The following BIRC6 variants were observed in gnomAD, a reference collection of about 807,000 sequenced individuals.
BIRC6 encodes baculoviral IAP repeat containing 6.
Under a neutral mutation model 503.3 loss-of-function variants are expected in BIRC6, and 98 were observed. That is an observed-to-expected ratio of 0.19 (90% CI 0.17 to 0.23). BIRC6 has a LOEUF of 0.23. Among genes scored for constraint, BIRC6 ranks in the 10% least tolerant of loss-of-function variants. The pLI is 1.00. For missense variants in BIRC6, 5,360 were observed against 5,806.0 expected (o/e 0.92, Z 2.50); for synonymous variants, 2,240 against 2,078.7 (o/e 1.08, Z -2.11).
chr2:32,467,962 T>C lies in BIRC6; in HGVS notation c.5631T>C (p.Phe1877=). The change falls in exon 28 of 74, where the codon TTT becomes TTC. Residue 1877 remains phenylalanine (F), a synonymous_variant. Transcript: ENST00000421745. The stretch of plus-strand genomic sequence containing the variant: ...CCAGAGCCAAAATCCCATTAGGATT[T>C]TACTATGGTCATACCTACATCTTGC... ...TNARAKIPLG[F]YYGHTYILPW... 6.2e-7 allele frequency: 1 copy of C among 1,613,824 alleles called. No homozygotes were observed. Among genetic ancestry groups the C allele is most frequent in the Non-Finnish European group, 8.5e-7 (1 of 1,179,822 alleles).
At chr2:32,385,882 T>TA (rs34028039) in intron 3 of BIRC6, among the ~76,000 whole-genome samples, 56,500 of 152,060 alleles carry the variant, frequency 0.37, 10,992 homozygotes, top group East Asian at 0.69. Flanking sequence ...TGGTTGGTGT[T>TA]ACAAGTTGGA....
Position 32,500,057 on chromosome 2 carries a change from G to C in BIRC6, c.8979G>C (p.Gln2993His). ...LVLANQQIMS[Q>H]ILSALGLCNS... ...TAGCCAACCAACAAATTATGAGCCA[G>C]ATTTTGTCTGCTCTGGGCCTGTGTA... Residue 2993 changes from glutamine (Q) to histidine (H), a missense_variant, in exon 46 of 74, where the codon CAG becomes CAC. Around this residue, in one of 16 missense-constraint regions of BIRC6, gnomAD observed 2,299 missense variants for 2,267.2 expected, o/e 1.01. Coordinates refer to ENST00000421745, the MANE Select transcript of BIRC6 (RefSeq NM_016252.4). 1.9e-6 allele frequency: 3 copies of C among 1,613,908 alleles called. No individual in the cohort carries two copies. Among genetic ancestry groups the C allele is most frequent in the South Asian group, 1.1e-5 (1 of 91,076 alleles).
chr2:32,520,721 G>T (rs1300893316), intron 57 of BIRC6, among the ~76,000 whole-genome samples: 1 of 152,176 alleles, frequency 6.6e-6, no homozygotes, highest in Non-Finnish European at 1.5e-5. Context: ...GGGGACTGAG[G>T]TAGGAAAATC....
chr2:32,513,035 G>C lies in BIRC6; in HGVS notation c.10449G>C (p.Glu3483Asp), dbSNP rs776847204. Residue 3483 changes from glutamate (E) to aspartate (D), a missense_variant, in exon 54 of 74, where the codon GAG becomes GAC. Physicochemically the swap from Glu to Asp is conservative, Grantham distance 45. Transcript: ENST00000421745. ...NYMCPNSSTV[E>D]YGLLMPSPSH... ...TGTGTCCTAACTCCTCAACAGTAGA[G>C]TATGGTCTTCTGATGCCATCTCCTT... 6.2e-7 allele frequency: 1 copy of C among 1,613,908 alleles called. No homozygotes were observed. The highest frequency in any genetic ancestry group is 1.7e-5 in the Admixed American group (1 of 60,022).
At position 32,491,529 on chromosome 2, in the gene BIRC6, C is replaced by T. The variant is rs761264901; in HGVS notation, c.8311C>T (p.Pro2771Ser). The change falls in exon 44 of 74, where the codon CCA becomes TCA. Residue 2771 changes from proline to serine, a missense_variant. By Grantham distance (74) the Pro-to-Ser change is moderately conservative (BLOSUM62 -1). Around this residue, in one of 16 missense-constraint regions of BIRC6, gnomAD observed 2,299 missense variants for 2,267.2 expected, o/e 1.01. Transcript: ENST00000421745. The stretch of plus-strand genomic sequence containing the variant: ...AGTGAAATTTCTTTCTGGCACCAGT[C>T]CACATGGAACAAATCAACACAGTCC... ...VLVKFLSGTS[P>S]HGTNQHSPQV... 3.7e-6 allele frequency: 6 copies of T among 1,613,524 alleles called. No homozygotes were observed. The highest frequency in any genetic ancestry group is 1.7e-5 in the Admixed American group (1 of 60,010).
chr2:32,554,549 T>C (rs776681800), intron 65 of BIRC6, among the ~76,000 whole-genome samples: 5 of 152,130 alleles, frequency 3.3e-5, no homozygotes, highest in Non-Finnish European at 5.9e-5. Context: ...CAGGACTTCA[T>C]TGGGAAAATT....
At chr2:32,573,068 C>T (rs957877554) in intron 65 of BIRC6, among the ~76,000 whole-genome samples, 2 of 152,214 alleles carry the variant, frequency 1.3e-5, no homozygotes, top group Non-Finnish European at 2.9e-5. Flanking sequence ...ATTCAGAATA[C>T]TTACTAGCTT....
intron 44 of BIRC6, among the ~76,000 whole-genome samples, chr2:32,492,351 C>CT (rs2051843327): frequency 1.3e-5 from 2 of 151,892 alleles, no homozygotes; most frequent in African/African-American, 4.8e-5. Context: ...AGTTAATACT[C>CT]TAATACTTAA....
chr2:32,484,227 A>G (rs1009707024), intron 39 of BIRC6, among the ~76,000 whole-genome samples: 6 of 151,968 alleles, frequency 3.9e-5, no homozygotes, highest in East Asian at 1.9e-4. Flanking sequence ...CTCGGAAACT[A>G]TAACTATCCT....
intron 8 of BIRC6, among the ~76,000 whole-genome samples, chr2:32,406,178 G>T (rs904084889): frequency 3.9e-5 from 6 of 152,120 alleles, no homozygotes; most frequent in Admixed American, 1.3e-4. Flanking sequence ...GATTGCTTAA[G>T]CCCAAGGGTT....
chr2:32,451,393 A>G lies in BIRC6; in HGVS notation c.4619-2415A>G, dbSNP rs72867266. ...TAAGGGGATCTATATGGTCATAACT[A>G]TTTTGATGATAGTAGAATGATGTTA... On this transcript the variant is annotated intron_variant, in intron 22 of 73. Coordinates refer to ENST00000421745, the MANE Select transcript of BIRC6 (RefSeq NM_016252.4). 5.1e-3 allele frequency among the ~76,000 whole-genome samples: 781 copies of G among 152,300 alleles called. 5 individuals are homozygous for G. The highest frequency in any genetic ancestry group is 0.018 in the African/African-American group (736 of 41,566).
chr2:32,364,630 A>G (rs2034615514), intron 1 of BIRC6, among the ~76,000 whole-genome samples: 1 of 150,416 alleles, frequency 6.6e-6, no homozygotes. Context: ...TTTTTTTTCC[A>G]CTGGGTTTTT....
intron 54 of BIRC6, among the ~76,000 whole-genome samples, chr2:32,513,733 A>G (rs1359627810): frequency 2.0e-5 from 3 of 152,172 alleles, no homozygotes; most frequent in African/African-American, 7.2e-5. Flanking sequence ...ACATGGTGAA[A>G]CCCCGTCTCT....
rs143009681 is a variant in BIRC6 at position 32,382,627 on chromosome 2, A to G, written c.645+2337A>G. On this transcript the variant is annotated intron_variant, in intron 3 of 73. Coordinates refer to ENST00000421745, the MANE Select transcript of BIRC6 (RefSeq NM_016252.4). ...TTTGGAGCTCAGAGACAACAGTTTA[A>G]TTAACTGCACAGTCTACCCCTTTGG... Among the ~76,000 whole-genome samples, 335 of 152,364 alleles carry G rather than the reference A, an allele frequency of 2.2e-3. 1 individual carries two copies. The highest frequency in any genetic ancestry group is 3.7e-3 in the Non-Finnish European group (252 of 68,030).
At position 32,473,150 on chromosome 2, in the gene BIRC6, C is replaced by G. The variant is rs2049295451; in HGVS notation, c.6631C>G (p.Gln2211Glu). 2.5e-6 allele frequency: 4 copies of G among 1,580,632 alleles called. No homozygotes were observed. Among genetic ancestry groups the G allele is most frequent in the Non-Finnish European group, 2.6e-6 (3 of 1,160,780 alleles). ...TTTTATTAACAATAATCTACACACTCAGAGCTTAAATAGATCTTCTAAAGG... is the reference window on the plus strand; with the variant it reads ...TTTTATTAACAATAATCTACACACTGAGAGCTTAAATAGATCTTCTAAAGG... ...WSFINNNLHT[Q>E]SLNRSSKGSS... The change falls in exon 33 of 74, where the codon CAG becomes GAG. Residue 2211 changes from glutamine (Q) to glutamate (E), a missense_variant. By Grantham distance (29) the Gln-to-Glu change is conservative (BLOSUM62 2). Around this residue, in one of 16 missense-constraint regions of BIRC6, gnomAD observed 2,299 missense variants for 2,267.2 expected, o/e 1.01. Transcript: ENST00000421745.
chr2:32,447,344 C>T (rs2046114578), intron 21 of BIRC6, among the ~76,000 whole-genome samples: 1 of 151,120 alleles, frequency 6.6e-6, no homozygotes, highest in African/African-American at 2.4e-5. Flanking sequence ...CAGAAGCGCC[C>T]CTCACCTCCC....
intron 5 of BIRC6, among the ~76,000 whole-genome samples, chr2:32,393,312 A>G (rs1238458506): frequency 2.0e-5 from 3 of 152,286 alleles, no homozygotes; most frequent in East Asian, 1.9e-4. Context: ...ATACAGAGGC[A>G]TAAGAATGGG....
intron 13 of BIRC6, among the ~76,000 whole-genome samples, chr2:32,435,277 G>A (rs768050047): frequency 1.3e-5 from 2 of 152,118 alleles, no homozygotes; most frequent in Non-Finnish European, 2.9e-5. Context: ...TTTTATTACC[G>A]TTAAAAGAGA....
At chr2:32,510,129 C>G (rs1485136088) in intron 52 of BIRC6, 135 bp downstream of exon 52, 1 of 1,070,032 alleles carries the variant, frequency 9.3e-7, no homozygotes, top group Non-Finnish European at 1.3e-6. Context: ...CCTCTCTTCT[C>G]TGATGGAGTC....
Sources: gnomAD v4.1 joint callset for allele counts (sites outside exome capture counted in the v4.1 genomes callset) on GRCh38, gnomAD v4.1.1 for gene constraint, gnomAD v4.1.1 regional missense constraint, MANE v1.5 for transcripts, NCBI Gene and HGNC (gene_info 2026-07-23, HGNC 2026-07-21) for gene names.